IFNGR2: variants seen among roughly 807,000 people sequenced by gnomAD.
IFNGR2 encodes the protein IFN-gamma receptor 2.
IFNGR2 carries 15 observed loss-of-function variants against 41.1 expected under a neutral mutation model. The ratio of observed to expected loss-of-function variants is 0.37; its 90% CI spans 0.24 to 0.56. IFNGR2 has a LOEUF of 0.56. Among genes scored for constraint, IFNGR2 ranks in the 20% least tolerant of loss-of-function variants. The pLI, the probability that IFNGR2 is intolerant of heterozygous loss-of-function variation, is 0.81. For missense variants in IFNGR2, 362 were observed against 415.7 expected, an observed-to-expected ratio of 0.87 and a Z score of 1.12; for synonymous variants, 161 against 171.6, an observed-to-expected ratio of 0.94 and a Z score of 0.48.
intron 1 of IFNGR2, among the ~76,000 whole-genome samples, chr21:33,410,279 G>A (rs1297652621): frequency 6.7e-6 from 1 of 149,922 alleles, no homozygotes; most frequent in African/African-American, 2.5e-5. Flanking sequence ...TAAATTCTCT[G>A]GCTCAGCCTC....
At position 33,405,103 on chromosome 21, in the gene IFNGR2, GAAAAAAAAAA is replaced by G. The variant is rs3057379; in HGVS notation, c.73+1498_73+1507del. Among the ~76,000 whole-genome samples, 48 of 119,828 alleles carry G rather than the reference GAAAAAAAAAA, an allele frequency of 4.0e-4. 1 individual carries two copies. The highest frequency in any genetic ancestry group is 1.8e-3 in the Admixed American group (21 of 11,362). 78.6% of individuals were successfully genotyped at this position (119,828 alleles called of 152,430 possible). On this transcript the variant is annotated intron_variant, in intron 1 of 6. Transcript: ENST00000290219. ...GGCGACAGAGCAAGACTCTGTCTCA[GAAAAAAAAAA>G]AAAAAAAAAAGAAAAAGAGGAAAAG...
intron 3 of IFNGR2, among the ~76,000 whole-genome samples, chr21:33,426,431 T>C (rs1171727643): frequency 6.8e-6 from 1 of 147,892 alleles, no homozygotes; most frequent in African/African-American, 2.5e-5. Flanking sequence ...AATAAATAAA[T>C]AAATAGGCCA....
intron 3 of IFNGR2, 61 bp from the exon 4 acceptor site, chr21:33,426,823 G>GT (rs1432401448): frequency 1.4e-5 from 17 of 1,216,516 alleles, no homozygotes; most frequent in Non-Finnish European, 2.1e-5. Context: ...ATAATACATT[G>GT]TATTATATCT....
chr21:33,433,177 C>T (rs542070748), intron 6 of IFNGR2, among the ~76,000 whole-genome samples: 4 of 152,138 alleles, frequency 2.6e-5, no homozygotes, highest in Non-Finnish European at 1.5e-5. Flanking sequence ...GGAGCCACTG[C>T]GCCCGGCCAC....
At chr21:33,431,621 A>T (rs1029900935) in intron 4 of IFNGR2, among the ~76,000 whole-genome samples, 39 of 152,142 alleles carry the variant, frequency 2.6e-4, no homozygotes, top group Non-Finnish European at 3.1e-4. Flanking sequence ...CTTGCTCTTC[A>T]TCCAGGCTGG....
chr21:33,419,122 T>A (rs942092152), intron 2 of IFNGR2, among the ~76,000 whole-genome samples: 24 of 152,334 alleles, frequency 1.6e-4, no homozygotes, highest in Admixed American at 1.5e-3. Context: ...ATTTATTTAT[T>A]TGAGACAGAG....
chr21:33,403,639 C>T (rs2083657108), intron 1 of IFNGR2, 23 bp downstream of exon 1: 6 of 1,273,462 alleles, frequency 4.7e-6, no homozygotes, highest in Non-Finnish European at 5.9e-6. Context: ...TGGGCCTCCG[C>T]GGCGGGACGC....
Position 33,414,966 on chromosome 21 carries a change from C to T in IFNGR2, c.152C>T (p.Pro51Leu). 1 of 1,614,208 alleles carries T rather than the reference C, an allele frequency of 6.2e-7. No individual in the cohort carries two copies. The highest frequency in any genetic ancestry group is 8.5e-7 in the Non-Finnish European group (1 of 1,180,036). Residue 51 changes from proline (P) to leucine (L), a missense_variant, in exon 2 of 7, where the codon CCA becomes CTA. Physicochemically the swap from Pro to Leu is moderately conservative, Grantham distance 98. Transcript: ENST00000290219. ...GCAGAGCAGGTCCTGAGTTGGGAGCCAGTGGCCCTGAGCAATAGCACGAGG... is the reference window on the plus strand; with the variant it reads ...GCAGAGCAGGTCCTGAGTTGGGAGCTAGTGGCCCTGAGCAATAGCACGAGG... ...YNAEQVLSWE[P>L]VALSNSTRPV...
At chr21:33,435,646 A>G (rs1348190614) in intron 6 of IFNGR2, among the ~76,000 whole-genome samples, 1 of 152,050 alleles carries the variant, frequency 6.6e-6, no homozygotes, top group African/African-American at 2.4e-5. Flanking sequence ...GCACTTTGAG[A>G]GGCCGAGGTG....
chr21:33,424,865 C>T (rs989083140), intron 3 of IFNGR2, among the ~76,000 whole-genome samples: 6 of 118,648 alleles, frequency 5.1e-5, no homozygotes, highest in Non-Finnish European at 1.3e-4. Flanking sequence ...CTCAGCCTCC[C>T]CAGTAGCTAG....
chr21:33,436,176 G>GA (rs34668649), intron 6 of IFNGR2, among the ~76,000 whole-genome samples: 151,769 of 151,776 alleles, frequency 1, 75,881 homozygotes, highest in Middle Eastern at 1. Flanking sequence ...GACCAACATG[G>GA]GAAACCCCGT....
At position 33,406,920 on chromosome 21, in the gene IFNGR2, A is replaced by ATTAT. The variant is rs551021536; in HGVS notation, c.73+3305_73+3308dup. Among the ~76,000 whole-genome samples, 36 of 152,188 alleles carry ATTAT rather than the reference A, an allele frequency of 2.4e-4. 1 individual carries two copies. In the South Asian group the frequency reaches 6.6e-3, roughly 28 times the overall value. On this transcript the variant is annotated intron_variant, in intron 1 of 6. Transcript: ENST00000290219. The stretch of plus-strand genomic sequence containing the variant: ...CGCCTCAGCCTCCCAAAGTGCTAGG[A>ATTAT]TTATAGATGTGAACCACCCAGCCTG...
intron 6 of IFNGR2, among the ~76,000 whole-genome samples, chr21:33,435,438 C>T (rs1287161650): frequency 6.6e-6 from 1 of 152,152 alleles, no homozygotes; most frequent in East Asian, 1.9e-4. Flanking sequence ...CAAGGAAGAA[C>T]TTGCTTTTCT....
chr21:33,424,065 C>T (rs1469273928), intron 3 of IFNGR2, among the ~76,000 whole-genome samples: 1 of 152,078 alleles, frequency 6.6e-6, no homozygotes, highest in Non-Finnish European at 1.5e-5. Flanking sequence ...CTTTGGGAAG[C>T]TGAGGCAGGC....
chr21:33,429,414 C>T (rs781303151), intron 4 of IFNGR2, among the ~76,000 whole-genome samples: 7 of 152,136 alleles, frequency 4.6e-5, no homozygotes, highest in Non-Finnish European at 1.0e-4. Flanking sequence ...TCTCGGCTCA[C>T]GGGTTCAAGA....
intron 2 of IFNGR2, among the ~76,000 whole-genome samples, chr21:33,416,146 G>A (rs1392761173): frequency 6.6e-6 from 1 of 152,158 alleles, no homozygotes; most frequent in East Asian, 1.9e-4. Flanking sequence ...GCAGGCATGA[G>A]CCACCGTGCC....
chr21:33,420,241 C>T (rs149825837), intron 2 of IFNGR2, among the ~76,000 whole-genome samples: 43 of 151,966 alleles, frequency 2.8e-4, no homozygotes, highest in Non-Finnish European at 5.3e-4. Flanking sequence ...GGATACAGAG[C>T]GGTCTCCAGT....
At chr21:33,432,463 C>A in intron 5 of IFNGR2, 127 bp downstream of exon 5, 1 of 975,570 alleles carries the variant, frequency 1.0e-6, no homozygotes, top group Non-Finnish European at 1.6e-6. Context: ...GAGTGCTGAA[C>A]TGCAGGAATA....
At chr21:33,415,309 A>C (rs1010521249) in intron 2 of IFNGR2, among the ~76,000 whole-genome samples, 15 of 152,216 alleles carry the variant, frequency 9.9e-5, no homozygotes, top group African/African-American at 3.6e-4. Flanking sequence ...GGTTGTAAAA[A>C]TAGGCTTCCA....
Sources: allele counts gnomAD v4.1 joint callset (sites outside exome capture counted in the v4.1 genomes callset), GRCh38; gene constraint gnomAD v4.1.1; transcripts MANE v1.5; gene names NCBI Gene and HGNC (gene_info 2026-07-23, HGNC 2026-07-21).